Variants in MEAF6 observed in about 807,000 individuals in gnomAD.
MEAF6 encodes chromatin modification-related protein MEAF6.
In MEAF6, 15 loss-of-function variants were observed where a neutral mutation model predicts 28.9. The observed-to-expected ratio is 0.52, with a 90% CI of 0.35 to 0.80. The LOEUF is 0.80. MEAF6 is among the 30% of genes least tolerant of loss of function. The pLI is 0.01. For synonymous variants in MEAF6, 97 were observed against 88.7 expected (o/e 1.09, Z -0.53); for missense variants, 178 against 237.5 (o/e 0.75, Z 1.65).
Position 37,501,131 on chromosome 1 carries a change from C to T in MEAF6, c.533+673G>A, listed in dbSNP as rs140191437. On this transcript the variant is annotated intron_variant, in intron 5 of 6. Transcript: ENST00000296214. ...CAGGCAGAGTGAATGCTGAAACCCT[C>T]TCTGGGTGACACCTGGCCTCTCTGT... 532 of 153,098 alleles carry T rather than the reference C, an allele frequency of 3.5e-3. 3 individuals carry two copies. Among genetic ancestry groups the T allele is most frequent in the South Asian group, 0.019 (93 of 4,862 alleles). 9.5% of individuals were successfully genotyped at this position (153,098 alleles called of 1,614,324 possible). A position where few individuals can be genotyped will look rare whatever the true frequency, so the allele number is the denominator to read the frequency against.
At chr1:37,502,770 A>G (rs1642357875) in intron 4 of MEAF6, among the ~76,000 whole-genome samples, 1 of 151,738 alleles carries the variant, frequency 6.6e-6, no homozygotes, top group African/African-American at 2.4e-5. Context: ...GGTGCCCATA[A>G]GCATAAGCCC....
chr1:37,511,081 T>C (rs1642654393), intron 2 of MEAF6, among the ~76,000 whole-genome samples: 1 of 152,260 alleles, frequency 6.6e-6, no homozygotes, highest in Non-Finnish European at 1.5e-5. Context: ...TGATATGAAG[T>C]GTCTCTTAAA....
intron 5 of MEAF6, chr1:37,500,888 TAGAAC>T (rs1642278800): frequency 6.5e-6 from 1 of 153,810 alleles, no homozygotes; most frequent in South Asian, 2.0e-4. Context: ...CCAGGAGGAG[TAGAAC>T]GAATGTACAG....
chr1:37,509,278 T>C lies in MEAF6; in HGVS notation c.340A>G (p.Arg114Gly). 1.9e-6 allele frequency: 3 copies of C among 1,613,698 alleles called. No individual in the cohort carries two copies. Among genetic ancestry groups the C allele is most frequent in the Non-Finnish European group, 1.7e-6 (2 of 1,179,656 alleles). The change falls in exon 4 of 7, where the codon AGG becomes GGG. Residue 114 changes from arginine to glycine, a missense_variant and splice_region_variant. Around this residue, in one of 2 missense-constraint regions of MEAF6, gnomAD observed 124 missense variants for 200.5 expected, o/e 0.62. Coordinates refer to ENST00000296214, the MANE Select transcript of MEAF6 (RefSeq NM_001270875.3). The stretch of plus-strand genomic sequence containing the variant: ...GAGAAACATAAAAACATCAACTTAC[T>C]CTTTTCAATGAGCTGGTCCTGAACT... The part of the protein sequence containing the change: ...AGVQDQLIEK[R>G]EPGSGTESDT...
At chr1:37,509,632 G>A in intron 2 of MEAF6, 90 bp from the exon 3 acceptor site, 1 of 1,149,120 alleles carries the variant, frequency 8.7e-7, no homozygotes, top group Non-Finnish European at 1.3e-6. Flanking sequence ...CATGCAGGAA[G>A]CTTCCATGTC....
rs143430408 is a variant in MEAF6 at position 37,491,006 on chromosome 1, G to A, written c.*3093C>T. 0.016 allele frequency among the ~76,000 whole-genome samples: 2,445 copies of A among 152,214 alleles called. 29 individuals are homozygous for A. Among genetic ancestry groups the A allele is most frequent in the Non-Finnish European group, 0.025 (1,669 of 68,000 alleles). ...TGTGCCACTGCACTCCAGCCTGGAC[G>A]ACAGAGCAAGACTCTGTCTCAAAAA... On this transcript the variant is annotated 3_prime_UTR_variant, in exon 7 of 7. Coordinates refer to ENST00000296214, the MANE Select transcript of MEAF6 (RefSeq NM_001270875.3).
chr1:37,503,089 C>T (rs866618427), intron 4 of MEAF6, among the ~76,000 whole-genome samples: 33 of 151,842 alleles, frequency 2.2e-4, no homozygotes, highest in African/African-American at 7.5e-4. Flanking sequence ...ACTACCGGCA[C>T]ATGCCACCAC....
chr1:37,500,370 C>A (rs1642260960), intron 5 of MEAF6, among the ~76,000 whole-genome samples: 1 of 152,254 alleles, frequency 6.6e-6, no homozygotes, highest in Non-Finnish European at 1.5e-5. Context: ...ATTTAATTAT[C>A]TTGACAATTA....
chr1:37,513,796 T>C (rs1252243860), intron 1 of MEAF6: 3 of 546,006 alleles, frequency 5.5e-6, no homozygotes, highest in South Asian at 2.7e-5. Context: ...GCATATACTT[T>C]AGAGGATTCA....
At chr1:37,500,021 A>G (rs1272794159) in intron 5 of MEAF6, among the ~76,000 whole-genome samples, 1 of 152,192 alleles carries the variant, frequency 6.6e-6, no homozygotes, top group Non-Finnish European at 1.5e-5. Flanking sequence ...TTAAAATGAC[A>G]CTAGGCCAGA....
At chr1:37,501,520 C>G (rs1642303203) in intron 5 of MEAF6, 3 of 282,334 alleles carry the variant, frequency 1.1e-5, no homozygotes. Flanking sequence ...TTTTCCTCTT[C>G]TAAAAGTATT....
intron 2 of MEAF6, among the ~76,000 whole-genome samples, chr1:37,510,340 C>G (rs939781489): frequency 1.2e-4 from 17 of 146,220 alleles, no homozygotes; most frequent in Non-Finnish European, 2.5e-4. Flanking sequence ...CTCAGCCTAC[C>G]AAAGTGCTGG....
chr1:37,504,034 A>C (rs1642397852), intron 4 of MEAF6, among the ~76,000 whole-genome samples: 1 of 152,196 alleles, frequency 6.6e-6, no homozygotes, highest in South Asian at 2.1e-4. Context: ...TGTAATCCTC[A>C]CATGTTGAGG....
intron 1 of MEAF6, 55 bp from the exon 2 acceptor site, chr1:37,513,593 G>A: frequency 1.5e-6 from 2 of 1,367,014 alleles, no homozygotes; most frequent in Non-Finnish European, 2.1e-6. Flanking sequence ...AAACACTTAA[G>A]TCTGGCCAAA....
At position 37,490,392 on chromosome 1, in the gene MEAF6, T is replaced by C. The variant is rs1213221101; in HGVS notation, c.*3707A>G. ...AAATTCCAATCCCTTCTTTTCACTA[T>C]CATTGTATCTGACACACACATCACC... On this transcript the variant is annotated 3_prime_UTR_variant, in exon 7 of 7. Transcript: ENST00000296214. 6.6e-6 allele frequency among the ~76,000 whole-genome samples: 1 copy of C among 152,140 alleles called. No individual in the cohort carries two copies. The highest frequency in any genetic ancestry group is 1.5e-5 in the Non-Finnish European group (1 of 68,044).
Position 37,509,437 on chromosome 1 carries a change from C to T in MEAF6, c.294+18G>A. ...CAACAACAGGCCAAAGAAAGATTCC[C>T]CCACCACCACTACTTACAGCTGCTG... On this transcript the variant is annotated intron_variant, in intron 3 of 6. Coordinates refer to ENST00000296214, the MANE Select transcript of MEAF6 (RefSeq NM_001270875.3). 1.2e-6 allele frequency: 2 copies of T among 1,612,634 alleles called. No homozygotes were observed. The highest frequency in any genetic ancestry group is 1.7e-6 in the Non-Finnish European group (2 of 1,179,126).
At chr1:37,508,174 A>G (rs1007094280) in intron 4 of MEAF6, among the ~76,000 whole-genome samples, 1 of 152,112 alleles carries the variant, frequency 6.6e-6, no homozygotes, top group Non-Finnish European at 1.5e-5. Flanking sequence ...TGGCTTATGT[A>G]TAAAAAATAA....
Position 37,491,642 on chromosome 1 carries a change from T to C in MEAF6, c.*2457A>G, listed in dbSNP as rs942404032. On this transcript the variant is annotated 3_prime_UTR_variant, in exon 7 of 7. Transcript: ENST00000296214. ...TGACCCCAGAAGTTCGAGGCTGCAC[T>C]GAGCTTTGATCAGGCCGCTGCACTC... is the stretch of plus-strand genomic sequence containing the variant. 6.6e-6 allele frequency among the ~76,000 whole-genome samples: 1 copy of C among 152,074 alleles called. No homozygotes were observed. Among genetic ancestry groups the C allele is most frequent in the African/African-American group, 2.4e-5 (1 of 41,412 alleles).
intron 5 of MEAF6, 69 bp from the exon 6 acceptor site, chr1:37,495,987 G>A: frequency 8.1e-7 from 1 of 1,229,200 alleles, no homozygotes; most frequent in South Asian, 1.2e-5. Context: ...ATCAGCTACT[G>A]CATAGGGCAT....
Sources: allele counts gnomAD v4.1 joint callset (sites outside exome capture counted in the v4.1 genomes callset), GRCh38; gene constraint gnomAD v4.1.1; regional missense constraint gnomAD v4.1.1; transcripts MANE v1.5; gene names NCBI Gene and HGNC (gene_info 2026-07-23, HGNC 2026-07-21).